CNIH3: variants seen among roughly 807,000 people sequenced by gnomAD.
CNIH3 encodes protein cornichon homolog 3.
CNIH3 carries 14 observed loss-of-function variants against 24.1 expected under a neutral mutation model. The observed-to-expected ratio is 0.58, with a 90% CI of 0.38 to 0.91. The LOEUF (loss-of-function observed/expected upper bound fraction) is 0.91, where lower values mean the gene tolerates loss of function less well. CNIH3 is among the 40% of genes least tolerant of loss of function. CNIH3 has a pLI of 0.00. For synonymous variants in CNIH3, 68 were observed against 73.8 expected, an observed-to-expected ratio of 0.92 and a Z score of 0.40; for missense variants, 178 against 196.8, an observed-to-expected ratio of 0.90 and a Z score of 0.57.
intron 1 of CNIH3, among the ~76,000 whole-genome samples, chr1:224,445,841 A>G (rs1244009103): frequency 6.6e-6 from 1 of 152,150 alleles, no homozygotes; most frequent in Non-Finnish European, 1.5e-5. Flanking sequence ...GCATAAATAT[A>G]TTCTTCTGTG....
chr1:224,480,660 G>A (rs182934122), intron 1 of CNIH3, among the ~76,000 whole-genome samples: 4 of 152,252 alleles, frequency 2.6e-5, no homozygotes, highest in Non-Finnish European at 4.4e-5. Context: ...GGGCAGGGGC[G>A]AAATGCTGCC....
intron 1 of CNIH3, among the ~76,000 whole-genome samples, chr1:224,635,176 G>T (rs941736995): frequency 3.9e-5 from 6 of 152,038 alleles, no homozygotes; most frequent in African/African-American, 1.5e-4. Flanking sequence ...GGGGTCGGGG[G>T]GAACTGCCCT....
intron 1 of CNIH3, among the ~76,000 whole-genome samples, chr1:224,439,859 G>C (rs1012962384): frequency 6.6e-6 from 1 of 152,308 alleles, no homozygotes; most frequent in South Asian, 2.1e-4. Context: ...CGCAATCTCG[G>C]CTCACTGCAA....
intron 3 of CNIH3, among the ~76,000 whole-genome samples, chr1:224,701,370 A>G (rs1687480805): frequency 6.6e-6 from 1 of 152,090 alleles, no homozygotes; most frequent in African/African-American, 2.4e-5. Flanking sequence ...GTGCCAGACA[A>G]TTCAGCATCT....
chr1:224,598,275 G>A (rs777418224), intron 3 of CNIH3, among the ~76,000 whole-genome samples: 1 of 152,158 alleles, frequency 6.6e-6, no homozygotes, highest in African/African-American at 2.4e-5. Context: ...AATCAGAAGC[G>A]GAGCCTGAAG....
chr1:224,622,940 G>T (rs1683349621), intron 1 of CNIH3, among the ~76,000 whole-genome samples: 1 of 152,200 alleles, frequency 6.6e-6, no homozygotes, highest in African/African-American at 2.4e-5. Context: ...TTCAGTAGCT[G>T]TGCTATCTGG....
At chr1:224,628,616 T>C (rs1258851188) in intron 1 of CNIH3, among the ~76,000 whole-genome samples, 5 of 152,084 alleles carry the variant, frequency 3.3e-5, no homozygotes, top group Non-Finnish European at 7.3e-5. Flanking sequence ...TCAGCATTTC[T>C]CTCCTTTTTA....
intron 3 of CNIH3, among the ~76,000 whole-genome samples, chr1:224,699,463 G>C (rs1687363806): frequency 6.6e-6 from 1 of 152,184 alleles, no homozygotes; most frequent in Non-Finnish European, 1.5e-5. Flanking sequence ...CACAGGTCTG[G>C]AGGCTAGAAG....
chr1:224,512,920 C>T (rs1049134918), upstream of CNIH3, among the ~76,000 whole-genome samples: 3 of 152,184 alleles, frequency 2.0e-5, no homozygotes, highest in Admixed American at 6.5e-5. Context: ...CTGGCTCTCC[C>T]GCTTTTGGCC....
At chr1:224,659,077 G>T (rs753223250) in intron 1 of CNIH3, among the ~76,000 whole-genome samples, 2 of 152,118 alleles carry the variant, frequency 1.3e-5, no homozygotes, top group Non-Finnish European at 2.9e-5. Flanking sequence ...CTCAAAATTG[G>T]CCTTGCAATC....
Position 224,552,972 on chromosome 1 carries a change from G to GGA in CNIH3, n.450+6034_450+6035insAG, listed in dbSNP as rs562177924. Among the ~76,000 whole-genome samples the GGA allele has an allele frequency of 5.3e-3, 801 of 150,266 alleles. 7 individuals are homozygous for GGA. Among genetic ancestry groups the GGA allele is most frequent in the African/African-American group, 0.016 (645 of 41,044 alleles). On this transcript the variant is annotated intron_variant and non_coding_transcript_variant, in intron 3 of 5. Coordinates refer to the CNIH3 transcript ENST00000471578. ...CTTAGATATTATGAATGATATCACA[G>GGA]GGTGTACACACAAGGTGTACACCTC...
intron 1 of CNIH3, among the ~76,000 whole-genome samples, chr1:224,629,526 A>G (rs1312990180): frequency 6.6e-6 from 1 of 152,070 alleles, no homozygotes; most frequent in East Asian, 2.0e-4. Flanking sequence ...GATAGACTGC[A>G]TTTTGTTCAC....
At chr1:224,589,075 G>A (rs139615822), downstream of CNIH3, among the ~76,000 whole-genome samples, 1 of 149,372 alleles carries the variant, frequency 6.7e-6, no homozygotes, top group Non-Finnish European at 1.5e-5. Flanking sequence ...AATCAAAGTG[G>A]CTAAGCGAGC....
intron 2 of CNIH3, among the ~76,000 whole-genome samples, chr1:224,544,297 A>C (rs1371273637): frequency 6.6e-6 from 1 of 152,180 alleles, no homozygotes; most frequent in Non-Finnish European, 1.5e-5. Flanking sequence ...TATGCACTTC[A>C]TCTCAAGCAG....
intron 2 of CNIH3, among the ~76,000 whole-genome samples, chr1:224,530,212 G>T (rs527516780): frequency 1.3e-5 from 2 of 152,308 alleles, no homozygotes; most frequent in East Asian, 3.9e-4. Flanking sequence ...AGAATATGCT[G>T]TAAAATCTTG....
chr1:224,501,663 C>A (rs913025862), intron 1 of CNIH3, among the ~76,000 whole-genome samples: 1 of 151,892 alleles, frequency 6.6e-6, no homozygotes, highest in African/African-American at 2.4e-5. Flanking sequence ...TCACTACAAC[C>A]TCCGTCTCCC....
chr1:224,579,274 T>A (rs2125011817), intron 4 of CNIH3, among the ~76,000 whole-genome samples: 1 of 152,324 alleles, frequency 6.6e-6, no homozygotes, highest in South Asian at 2.1e-4. Flanking sequence ...TTGGCCTCTG[T>A]CTTTCATTGT....
At chr1:224,725,700 G>A (rs1169213516) in intron 3 of CNIH3, among the ~76,000 whole-genome samples, 3 of 152,170 alleles carry the variant, frequency 2.0e-5, no homozygotes, top group East Asian at 1.9e-4. Context: ...AGGAGCAGAC[G>A]GATCTCCAAC....
At chr1:224,700,297 T>C (rs1687414540) in intron 3 of CNIH3, among the ~76,000 whole-genome samples, 1 of 152,206 alleles carries the variant, frequency 6.6e-6, no homozygotes, top group African/African-American at 2.4e-5. Flanking sequence ...TTTAACCTAA[T>C]TGCTTCTTTG....
Sources: allele counts gnomAD v4.1 joint callset (sites outside exome capture counted in the v4.1 genomes callset), GRCh38; gene constraint gnomAD v4.1.1; transcripts MANE v1.5; gene names NCBI Gene and HGNC (gene_info 2026-07-23, HGNC 2026-07-21).